RBFOX1: variants seen among roughly 807,000 people sequenced by gnomAD.
RBFOX1 encodes the protein RNA binding fox-1 homolog 1.
In RBFOX1, 8 loss-of-function variants were observed where a neutral mutation model predicts 57.7. The ratio of observed to expected loss-of-function variants is 0.14; its 90% CI spans 0.08 to 0.25. The LOEUF (loss-of-function observed/expected upper bound fraction) is 0.25, where lower values mean the gene tolerates loss of function less well. Among genes scored for constraint, RBFOX1 ranks in the 10% least tolerant of loss-of-function variants. RBFOX1 has a pLI of 1.00. For missense variants in RBFOX1, 611 were observed against 548.5 expected (o/e 1.11, Z -1.14); for synonymous variants, 326 against 222.4 (o/e 1.47, Z -4.15).
At chr16:6,881,799 C>T (rs1037690157) in intron 3 of RBFOX1, among the ~76,000 whole-genome samples, 1 of 152,104 alleles carries the variant, frequency 6.6e-6, no homozygotes, top group Admixed American at 6.6e-5. Flanking sequence ...TCAATGCAAC[C>T]TACATACTGG....
intron 3 of RBFOX1, among the ~76,000 whole-genome samples, chr16:5,705,627 A>G (rs1464580933): frequency 6.6e-6 from 1 of 152,194 alleles, no homozygotes; most frequent in Non-Finnish European, 1.5e-5. Context: ...GGCAACTAAT[A>G]ATCAATGTGG....
chr16:6,759,149 C>CTTTTTTTTT (rs55903030), intron 3 of RBFOX1, among the ~76,000 whole-genome samples: 1 of 147,216 alleles, frequency 6.8e-6, no homozygotes, highest in Non-Finnish European at 1.5e-5. Context: ...CTTATCAATT[C>CTTTTTTTTT]TTTTTTTTTT....
chr16:7,568,933 C>T (rs1435450553), intron 5 of RBFOX1, among the ~76,000 whole-genome samples: 1 of 147,754 alleles, frequency 6.8e-6, no homozygotes, highest in African/African-American at 2.5e-5. Context: ...TCTGGGAATG[C>T]AGCCCAGTAG....
chr16:5,347,537 C>G (rs896060181), intron 1 of RBFOX1, among the ~76,000 whole-genome samples: 1 of 152,040 alleles, frequency 6.6e-6, no homozygotes, highest in Non-Finnish European at 1.5e-5. Flanking sequence ...CTTGGAAAAT[C>G]ACTATTCCAT....
intron 3 of RBFOX1, among the ~76,000 whole-genome samples, chr16:6,898,862 TAC>T (rs374156702): frequency 2.7e-5 from 4 of 148,374 alleles, no homozygotes; most frequent in African/African-American, 5.2e-5. Flanking sequence ...TGTAATATAT[TAC>T]ACACATGTAC....
chr16:6,701,340 T>G (rs954858342), intron 3 of RBFOX1, among the ~76,000 whole-genome samples: 1 of 152,204 alleles, frequency 6.6e-6, no homozygotes, highest in East Asian at 1.9e-4. Flanking sequence ...GTACGGGTAT[T>G]TGTGAGATGC....
intron 4 of RBFOX1, among the ~76,000 whole-genome samples, chr16:7,221,208 G>T (rs1007136294): frequency 1.3e-5 from 2 of 152,060 alleles, no homozygotes; most frequent in African/African-American, 4.8e-5. Flanking sequence ...CTTGTACATT[G>T]TAAGTGTTCA....
At chr16:5,861,177 C>G (rs1418967026) in intron 3 of RBFOX1, among the ~76,000 whole-genome samples, 2 of 152,174 alleles carry the variant, frequency 1.3e-5, no homozygotes, top group African/African-American at 2.4e-5. Context: ...GTAGGAGGAT[C>G]TTGTACAAAG....
chr16:6,290,397 G>A (rs1340154891), intron 1 of RBFOX1, among the ~76,000 whole-genome samples: 1 of 151,774 alleles, frequency 6.6e-6, no homozygotes, highest in East Asian at 1.9e-4. Context: ...GACAGTGGAG[G>A]AGGAGGGGTA....
chr16:5,454,934 CCTTCCTTCCTTCCTTCCTTCCTTCCTTT>C (rs1223096174), intron 1 of RBFOX1, among the ~76,000 whole-genome samples: 42 of 42,280 alleles, frequency 9.9e-4, no homozygotes, highest in Non-Finnish European at 1.7e-3. Flanking sequence ...TTTCTTCCTT[CCTTCCTTCCTTCCTTCCTTCCTTCCTTT>C]CTTTCTTTCT....
chr16:7,631,754 A>T (rs1335471301), intron 11 of RBFOX1, among the ~76,000 whole-genome samples: 1 of 152,146 alleles, frequency 6.6e-6, no homozygotes, highest in Admixed American at 6.5e-5. Context: ...GCCAAAACCA[A>T]ACATCTTCGT....
chr16:7,305,730 T>C (rs1349556613), intron 4 of RBFOX1, among the ~76,000 whole-genome samples: 1 of 152,248 alleles, frequency 6.6e-6, no homozygotes, highest in Non-Finnish European at 1.5e-5. Flanking sequence ...AAAATATTTC[T>C]TAGGTGTATT....
Position 6,679,878 on chromosome 16 carries a change from G to GTTTTTT in RBFOX1, c.-16+25250_-16+25255dup, listed in dbSNP as rs71145274. Among the ~76,000 whole-genome samples the GTTTTTT allele has an allele frequency of 2.3e-3, 259 of 114,238 alleles. 9 individuals are homozygous for GTTTTTT. Among genetic ancestry groups the GTTTTTT allele is most frequent in the African/African-American group, 3.9e-3 (101 of 25,720 alleles). The allele number at this position is 114,238 out of a possible 152,430, so 74.9% of individuals were successfully genotyped here. On this transcript the variant is annotated intron_variant, in intron 3 of 15. Coordinates refer to ENST00000550418, the MANE Select transcript of RBFOX1 (RefSeq NM_018723.4). ...CTACATAAAGCCATAGTTTCTACTT[G>GTTTTTT]TTTTTTTTTTTTTTTTTTTTTTTTT...
At chr16:7,266,608 G>A (rs746852724) in intron 4 of RBFOX1, among the ~76,000 whole-genome samples, 14 of 152,148 alleles carry the variant, frequency 9.2e-5, no homozygotes, top group Non-Finnish European at 1.9e-4. Context: ...CGCGTTGGAG[G>A]TTAGGGCTTC....
At position 7,212,096 on chromosome 16, in the gene RBFOX1, G is replaced by A. The variant is rs377585509; in HGVS notation, c.27+159998G>A. 9.9e-5 allele frequency among the ~76,000 whole-genome samples: 15 copies of A among 152,194 alleles called. 1 individual carries two copies. In the East Asian group the frequency reaches 1.6e-3, roughly 16 times the overall value. ...GAGTGATGATTAGTGGATGATCAGC[G>A]GTCAAAAGAGAATCATGCATGGAAG... On this transcript the variant is annotated intron_variant, in intron 4 of 15. Coordinates refer to ENST00000550418, the MANE Select transcript of RBFOX1 (RefSeq NM_018723.4).
In RBFOX1 at chr16:7,552,380, C is replaced by G. The variant is rs535175775; in HGVS notation, c.271-27397C>G. Among the ~76,000 whole-genome samples, 141 of 152,236 alleles carry G rather than the reference C, an allele frequency of 9.3e-4. 1 individual carries two copies. Among genetic ancestry groups the G allele is most frequent in the African/African-American group, 3.3e-3 (136 of 41,550 alleles). On this transcript the variant is annotated intron_variant, in intron 5 of 15. Transcript: ENST00000550418. ...TCATTTTACATCTAGAGGCAAAGTACTTCAGCACTGGAAGGTGAAAAGACT... is the reference window on the plus strand; with the variant it reads ...TCATTTTACATCTAGAGGCAAAGTAGTTCAGCACTGGAAGGTGAAAAGACT...
intron 1 of RBFOX1, among the ~76,000 whole-genome samples, chr16:6,139,217 C>A (rs919401912): frequency 6.6e-6 from 1 of 152,076 alleles, no homozygotes; most frequent in Non-Finnish European, 1.5e-5. Flanking sequence ...CCCTCTCTGC[C>A]CACTGAAATC....
chr16:6,620,958 G>A (rs2098221113), intron 2 of RBFOX1, among the ~76,000 whole-genome samples: 1 of 152,210 alleles, frequency 6.6e-6, no homozygotes, highest in Admixed American at 6.5e-5. Context: ...AATTTGAGAA[G>A]GCAGAAGTCT....
At chr16:7,700,646 G>A (rs1211623748) in intron 14 of RBFOX1, among the ~76,000 whole-genome samples, 2 of 152,150 alleles carry the variant, frequency 1.3e-5, no homozygotes, top group Non-Finnish European at 2.9e-5. Flanking sequence ...AGAGAAGGAT[G>A]GCCTTGAGCT....
Sources: allele counts gnomAD v4.1 joint callset (sites outside exome capture counted in the v4.1 genomes callset), GRCh38; gene constraint gnomAD v4.1.1; transcripts MANE v1.5; gene names NCBI Gene and HGNC (gene_info 2026-07-23, HGNC 2026-07-21).